CNTN5: variants seen among roughly 807,000 people sequenced by gnomAD.
CNTN5 encodes contactin-5.
In CNTN5, 77 loss-of-function variants were observed where a neutral mutation model predicts 129.1. That is an observed-to-expected ratio of 0.60 (90% CI 0.50 to 0.72). The LOEUF is 0.72. CNTN5 is among the 30% of genes least tolerant of loss of function. The pLI is 0.00. For synonymous variants in CNTN5, 509 were observed against 465.6 expected, an observed-to-expected ratio of 1.09 and a Z score of -1.20; for missense variants, 1,478 against 1,328.8, an observed-to-expected ratio of 1.11 and a Z score of -1.75.
At chr11:99,811,271 A>G (rs1234202390) in intron 3 of CNTN5, among the ~76,000 whole-genome samples, 1 of 151,898 alleles carries the variant, frequency 6.6e-6, no homozygotes, top group Non-Finnish European at 1.5e-5. Context: ...ATATTTAGGG[A>G]CGGAAATAGA....
At chr11:99,559,926 G>T (rs1376332362) in intron 3 of CNTN5, among the ~76,000 whole-genome samples, 4 of 151,910 alleles carry the variant, frequency 2.6e-5, no homozygotes, top group Admixed American at 6.6e-5. Context: ...TATACAAATG[G>T]CTAATTGAAA....
chr11:99,836,302 C>A (rs1357953867), intron 4 of CNTN5, among the ~76,000 whole-genome samples: 3 of 134,078 alleles, frequency 2.2e-5, no homozygotes, highest in African/African-American at 8.4e-5. Context: ...CCTCCCCCAA[C>A]CCCCGACAGG....
chr11:99,671,070 C>T (rs1280824538), intron 3 of CNTN5, among the ~76,000 whole-genome samples: 11 of 151,800 alleles, frequency 7.2e-5, no homozygotes, highest in African/African-American at 2.4e-4. Context: ...TGCACGTGCT[C>T]TCTCTCGCTT....
In CNTN5 at chr11:100,040,168, T is replaced by C. The variant is rs971847897; in HGVS notation, c.981-21044T>C. ...TTTTGGTGTGGATGTCCTTTCTGTT[T>C]GTTAGTTTTCCTTCTAACAGACAGG... On this transcript the variant is annotated intron_variant, in intron 9 of 24. Transcript: ENST00000524871. Among the ~76,000 whole-genome samples the C allele has an allele frequency of 8.5e-5, 13 of 152,154 alleles. 1 individual carries two copies. The highest frequency in any genetic ancestry group is 4.1e-4 in the South Asian group (2 of 4,830).
intron 3 of CNTN5, among the ~76,000 whole-genome samples, chr11:99,758,581 G>A (rs1042146021): frequency 6.6e-6 from 1 of 151,956 alleles, no homozygotes; most frequent in East Asian, 1.9e-4. Context: ...AATTTTCATA[G>A]AATGTGATAA....
chr11:100,310,126 C>A (rs1202424731), intron 21 of CNTN5, among the ~76,000 whole-genome samples: 1 of 151,946 alleles, frequency 6.6e-6, no homozygotes, highest in African/African-American at 2.4e-5. Flanking sequence ...AAATCCCTAT[C>A]TCAAGCTCTG....
intron 6 of CNTN5, among the ~76,000 whole-genome samples, chr11:99,860,950 A>ATTTTTTTTTTTTTTTTTTT (rs146364893): frequency 1.1e-5 from 1 of 91,030 alleles, no homozygotes; most frequent in Non-Finnish European, 2.0e-5. Context: ...ATATGTCTTC[A>ATTTTTTTTTTTTTTTTTTT]TTTTTTTTTT....
chr11:99,401,396 G>A (rs1270578870), intron 2 of CNTN5, among the ~76,000 whole-genome samples: 1 of 152,074 alleles, frequency 6.6e-6, no homozygotes, highest in African/African-American at 2.4e-5. Context: ...CTGTAGGTAT[G>A]TGGATTTGTT....
At chr11:99,058,472 A>ATT (rs1430134308) in intron 1 of CNTN5, among the ~76,000 whole-genome samples, 2 of 151,906 alleles carry the variant, frequency 1.3e-5, no homozygotes, top group Non-Finnish European at 2.9e-5. Context: ...ATATATATAT[A>ATT]TTTTCTCACA....
At chr11:99,783,819 G>T (rs1437298018) in intron 3 of CNTN5, among the ~76,000 whole-genome samples, 1 of 151,498 alleles carries the variant, frequency 6.6e-6, no homozygotes, top group Non-Finnish European at 1.5e-5. Flanking sequence ...GGGGACTGTT[G>T]TGGGGTGGGT....
At chr11:99,231,145 T>G (rs1357737269) in intron 1 of CNTN5, among the ~76,000 whole-genome samples, 1 of 152,220 alleles carries the variant, frequency 6.6e-6, no homozygotes, top group Non-Finnish European at 1.5e-5. Context: ...ATAGAACAAT[T>G]TATATTCCTT....
chr11:99,100,532 ATG>A lies in CNTN5; in HGVS notation c.-210+79264_-210+79265del, dbSNP rs1387969537. On this transcript the variant is annotated intron_variant, in intron 1 of 24. Coordinates refer to ENST00000524871, the MANE Select transcript of CNTN5 (RefSeq NM_014361.4). The stretch of plus-strand genomic sequence containing the variant: ...AGAAATGATATCATAGCATAATTGA[ATG>A]TATTTTAGGATGACATTATTACTTG... 2.0e-5 allele frequency among the ~76,000 whole-genome samples: 3 copies of A among 152,136 alleles called. 1 individual carries two copies. The highest frequency in any genetic ancestry group is 4.8e-5 in the African/African-American group (2 of 41,452).
At chr11:99,923,757 G>GTCTGTCTATCTATCTATCTATCTATCTA (rs71050033) in intron 7 of CNTN5, among the ~76,000 whole-genome samples, 16 of 140,590 alleles carry the variant, frequency 1.1e-4, no homozygotes, top group Non-Finnish European at 1.8e-4. Context: ...CTATCTGTCT[G>GTCTGTCTATCTATCTATCTATCTATCTA]TCTATCTATC....
At chr11:99,610,535 G>A (rs1020165049) in intron 3 of CNTN5, among the ~76,000 whole-genome samples, 3 of 152,130 alleles carry the variant, frequency 2.0e-5, no homozygotes, top group African/African-American at 7.2e-5. Context: ...GTAAGAAGTC[G>A]AACTATTACT....
At chr11:99,127,902 C>CT (rs944751643) in intron 1 of CNTN5, among the ~76,000 whole-genome samples, 4 of 152,034 alleles carry the variant, frequency 2.6e-5, no homozygotes, top group African/African-American at 9.7e-5. Context: ...ATCTAGCTTG[C>CT]TTTTTTAGGG....
At chr11:100,338,527 G>GA (rs1291036869) in intron 21 of CNTN5, among the ~76,000 whole-genome samples, 15 of 151,260 alleles carry the variant, frequency 9.9e-5, no homozygotes, top group Admixed American at 5.3e-4. Context: ...TAAGTTGGGG[G>GA]AAAAAAAAAG....
In CNTN5 at chr11:100,002,097, A is replaced by C; in HGVS notation, c.941A>C (p.Lys314Thr). The C allele has an allele frequency of 6.3e-7, 1 of 1,597,906 alleles. No homozygotes were observed. Among genetic ancestry groups the C allele is most frequent in the Non-Finnish European group, 8.5e-7 (1 of 1,175,152 alleles). Residue 314 changes from lysine (K) to threonine (T), a missense_variant, in exon 9 of 25, where the codon AAA becomes ACA. Transcript: ENST00000524871. ...VHFPFTVTAA[K>T]GTTVKMECFA... is the part of the protein sequence containing the mutation. ...TTTCCTTTCACGGTTACAGCTGCTAAAGGAACAACTGTTAAGATGGAATGC... is the reference window on the plus strand; with the variant it reads ...TTTCCTTTCACGGTTACAGCTGCTACAGGAACAACTGTTAAGATGGAATGC...
intron 7 of CNTN5, among the ~76,000 whole-genome samples, chr11:99,930,636 C>T (rs953113591): frequency 4.6e-5 from 7 of 152,110 alleles, no homozygotes; most frequent in South Asian, 2.1e-4. Context: ...TTTGTGTATA[C>T]GTAGGCCACT....
At chr11:99,254,837 G>C (rs1862297256) in intron 1 of CNTN5, among the ~76,000 whole-genome samples, 1 of 151,862 alleles carries the variant, frequency 6.6e-6, no homozygotes, top group African/African-American at 2.4e-5. Context: ...AGAGTAAAAT[G>C]TGCTTAATAA....
Sources: gnomAD v4.1 joint callset for allele counts (sites outside exome capture counted in the v4.1 genomes callset) on GRCh38, gnomAD v4.1.1 for gene constraint, MANE v1.5 for transcripts, NCBI Gene and HGNC (gene_info 2026-07-23, HGNC 2026-07-21) for gene names.